SLC34A3: variants seen among roughly 807,000 people sequenced by gnomAD.
The protein encoded by SLC34A3 is solute carrier family 34 member 3, also known as sodium-dependent phosphate transport protein 2C.
SLC34A3 carries 60 observed loss-of-function variants against 43.9 expected under a neutral mutation model. The observed-to-expected ratio is 1.37, with a 90% confidence interval of 1.11 to 1.70. The LOEUF (loss-of-function observed/expected upper bound fraction) is 1.70. Ranked by LOEUF, SLC34A3 falls within the 40% of genes most tolerant of loss-of-function variation. SLC34A3 has a pLI of 0.00. For missense variants in SLC34A3, 969 were observed against 823.8 expected, an observed-to-expected ratio of 1.18 and a Z score of -2.16; for synonymous variants, 451 against 386.2, an observed-to-expected ratio of 1.17 and a Z score of -1.97.
Position 137,231,658 on chromosome 9 carries a change from C to T in SLC34A3, c.-39-6C>T, listed in dbSNP as rs1014979262. ...ATGTCTCTGACACGCGCGTCCCCCC[C>T]AGCAGATCTAGACCTGGGCCTGGGT... is the stretch of plus-strand genomic sequence containing the variant. On this transcript the variant is annotated splice_polypyrimidine_tract_variant and splice_region_variant and intron_variant, in intron 1 of 12. Transcript: ENST00000673835. 2.9e-5 allele frequency: 44 copies of T among 1,508,580 alleles called. No individual in the cohort carries two copies. Among genetic ancestry groups the T allele is most frequent in the Non-Finnish European group, 3.9e-5 (42 of 1,085,638 alleles). 93.4% of individuals were successfully genotyped at this position (1,508,580 alleles called of 1,614,324 possible).
chr9:137,231,741 C>A lies in SLC34A3; in HGVS notation c.39C>A (p.Pro13=), dbSNP rs144208635. Residue 13 remains proline, a synonymous_variant, in exon 2 of 13, where the codon CCC becomes CCA. Coordinates refer to ENST00000673835, the MANE Select transcript of SLC34A3 (RefSeq NM_001177316.2). ...SSLPGSQVPH[P]TLDAVDLVEK... is the part of the protein sequence containing the mutation. ...TTCCCGGCAGCCAGGTCCCCCACCC[C>A]ACTCTGGACGCGGTTGACCTAGTGG... The A allele has an allele frequency of 1.6e-5, 26 of 1,613,212 alleles. No individual in the cohort carries two copies. The African/African-American group carries it at 1.9e-4, about 12-fold the overall frequency.
In SLC34A3 at chr9:137,235,956, C is replaced by T. The variant is rs1836570889; in HGVS notation, c.1340C>T (p.Ala447Val). ...ADRMLSALQVALIHFFFNLAG... is the reference protein window; with the variant it reads ...ADRMLSALQVVLIHFFFNLAG... ...TGACAGCCCCCTCGCCCCCAGGTCG[C>T]CCTCATCCACTTCTTCTTCAACCTG... is the stretch of plus-strand genomic sequence containing the variant. Residue 447 changes from alanine (A) to valine (V), a missense_variant, in exon 13 of 13, where the codon GCC (alanine) becomes GTC (valine). Transcript: ENST00000673835. 1.2e-6 allele frequency: 2 copies of T among 1,611,526 alleles called. No individual in the cohort carries two copies. Among genetic ancestry groups the T allele is most frequent in the Non-Finnish European group, 1.7e-6 (2 of 1,179,818 alleles).
Position 137,236,540 on chromosome 9 carries a change from C to T in SLC34A3, c.*124C>T, listed in dbSNP as rs1320706128. 4 of 878,316 alleles carry T rather than the reference C, an allele frequency of 4.6e-6. No individual in the cohort carries two copies. The highest frequency in any genetic ancestry group is 7.3e-6 in the Non-Finnish European group (4 of 551,038). The allele number at this position is 878,316 out of a possible 1,614,324, so 54.4% of individuals were successfully genotyped here. On this transcript the variant is annotated 3_prime_UTR_variant, in exon 13 of 13. Coordinates refer to ENST00000673835, the MANE Select transcript of SLC34A3 (RefSeq NM_001177316.2). ...TGCTTCCCCTTCTGTGCAAATAAAC[C>T]AGGCTGTTATCTGGGGTGGCGGTCC...
In SLC34A3 at chr9:137,236,228, C is replaced by A. The variant is rs140319849; in HGVS notation, c.1612C>A (p.Arg538=). The change falls in exon 13 of 13, where the codon CGG becomes AGG. Residue 538 remains arginine, a synonymous_variant. Transcript: ENST00000673835. ...CCTGGTTACTGTCCTGCAGCGGCGC[C>A]GGCCGGCCTGGCTGCCTGTCCGCCT... The part of the protein sequence containing the change: ...VILVTVLQRR[R]PAWLPVRLRS... 4 of 1,561,774 alleles carry A rather than the reference C, an allele frequency of 2.6e-6. No individual in the cohort carries two copies. Among genetic ancestry groups the A allele is most frequent in the African/African-American group, 1.4e-5 (1 of 73,374 alleles).
At chr9:137,235,529 C>G (rs1588851447) in intron 12 of SLC34A3, among the ~76,000 whole-genome samples, 1 of 152,312 alleles carries the variant, frequency 6.6e-6, no homozygotes, top group Middle Eastern at 3.4e-3. Context: ...GTCCGGCAGC[C>G]CCTGGAGGGG....
chr9:137,236,019 G>A lies in SLC34A3; in HGVS notation c.1403G>A (p.Arg468Gln), dbSNP rs763789409. 1.5e-5 allele frequency: 24 copies of A among 1,612,496 alleles called. No homozygotes were observed. Among genetic ancestry groups the A allele is most frequent in the East Asian group, 1.1e-4 (5 of 44,888 alleles). ...ILLWYLVPAL[R>Q]LPIPLARHFG... ...CTGTGGTACCTGGTGCCTGCACTGC[G>A]GCTGCCCATCCCGCTGGCCAGGCAC... Residue 468 changes from arginine to glutamine, a missense_variant, in exon 13 of 13, where the codon CGG becomes CAG. Arg to Gln is a conservative substitution (Grantham distance 43). Coordinates refer to ENST00000673835, the MANE Select transcript of SLC34A3 (RefSeq NM_001177316.2).
chr9:137,235,061 C>G (rs1028968958), intron 12 of SLC34A3, among the ~76,000 whole-genome samples: 1 of 152,124 alleles, frequency 6.6e-6, no homozygotes, highest in Non-Finnish European at 1.5e-5. Context: ...TTTCCCCCAA[C>G]CCCTGCTCCC....
rs1456703245 is a variant in SLC34A3, at chr9:137,234,251, G to A, written c.1068G>A (p.Gln356=). 1 of 1,610,840 alleles carries A rather than the reference G, an allele frequency of 6.2e-7. No homozygotes were observed. Reference sequence around the variant, plus strand: ...CTGTGCTGCGCGGCCGCGTGGCCCAGGTCGTGAGGACAGTCATCAATGCGG... The same window carrying A: ...CTGTGCTGCGCGGCCGCGTGGCCCAAGTCGTGAGGACAGTCATCAATGCGG... ...LNSVLRGRVA[Q]VVRTVINADF... The change falls in exon 10 of 13, where the codon CAG becomes CAA. Residue 356 remains glutamine, a synonymous_variant. Transcript: ENST00000673835. The surrounding 1 kb of genome is among the most constrained non-coding windows in gnomAD (Gnocchi z 6.9).
chr9:137,234,747 C>T lies in SLC34A3; in HGVS notation c.1335+16C>T, dbSNP rs777641817. On this transcript the variant is annotated intron_variant, in intron 12 of 12. Coordinates refer to ENST00000673835, the MANE Select transcript of SLC34A3 (RefSeq NM_001177316.2). The surrounding 1 kb of genome is among the most constrained non-coding windows in gnomAD (Gnocchi z 6.9). ...CGCCCTGCAGGTACTGTCCACCCTG[C>T]CCCGCTGCCAGAACTGGCCAGCTTC... 1 of 1,605,524 alleles carries T rather than the reference C, an allele frequency of 6.2e-7. No homozygotes were observed. The highest frequency in any genetic ancestry group is 1.7e-5 in the Admixed American group (1 of 60,010).
intron 1 of SLC34A3, 127 bp from the exon 2 acceptor site, chr9:137,231,537 C>T (rs575731727): frequency 2.0e-5 from 14 of 688,654 alleles, no homozygotes; most frequent in African/African-American, 1.6e-4. Context: ...CTGAGGCCTG[C>T]AGGGCGTAGA....
chr9:137,232,927 C>G lies in SLC34A3; in HGVS notation c.448C>G (p.Leu150Val), dbSNP rs200186549. The change falls in exon 5 of 13, where the codon CTG becomes GTG. Residue 150 changes from leucine to valine, a missense_variant and splice_region_variant. Coordinates refer to ENST00000673835, the MANE Select transcript of SLC34A3 (RefSeq NM_001177316.2). ...CGTGGTCAGCATGGTGGCTGCTAAG[C>G]GTGGGTGCACACTCCCTCCCCGGGT... Reference protein sequence around the residue: ...SIVVSMVAAKLLTVRVSVPII... With the variant: ...SIVVSMVAAKVLTVRVSVPII... 4 of 1,448,842 alleles carry G rather than the reference C, an allele frequency of 2.8e-6. No homozygotes were observed. In the South Asian group the frequency reaches 3.4e-5, roughly 12 times the overall value. The allele number at this position is 1,448,842 out of a possible 1,614,324, so 89.7% of individuals were successfully genotyped here. A position where few individuals can be genotyped will look rare whatever the true frequency, so the allele number is the denominator to read the frequency against.
chr9:137,235,033 T>C (rs1564421731), intron 12 of SLC34A3, among the ~76,000 whole-genome samples: 1 of 152,122 alleles, frequency 6.6e-6, no homozygotes, highest in Non-Finnish European at 1.5e-5. Context: ...GCCCCTCTAT[T>C]CCAGCACCCT....
chr9:137,234,289 G>T lies in SLC34A3; in HGVS notation c.1093+13G>T, dbSNP rs780556379. On this transcript the variant is annotated intron_variant, in intron 10 of 12. Transcript: ENST00000673835. This position sits in a 1 kb window ranked among gnomAD's most constrained non-coding sequence, Gnocchi z 6.9. ...GTCATCAATGCGGGTGAGGGCGTGG[G>T]AGGAGGTGCGGTGGCCAGGGCTGAC... 6.2e-7 allele frequency: 1 copy of T among 1,609,620 alleles called. No homozygotes were observed. Among genetic ancestry groups the T allele is most frequent in the East Asian group, 2.2e-5 (1 of 44,840 alleles).
At chr9:137,233,779 T>TCACCCCCCCCCCC in intron 8 of SLC34A3, 57 bp downstream of exon 8, 2 of 1,445,826 alleles carry the variant, frequency 1.4e-6, no homozygotes, top group Non-Finnish European at 1.9e-6. Flanking sequence ...TGCTGAGTCA[T>TCACCCCCCCCCCC]CCCGCCCCAC....
At position 137,234,737 on chromosome 9, in the gene SLC34A3, G is replaced by C; in HGVS notation, c.1335+6G>C. ...GGATGCTCAGCGCCCTGCAGGTACTGTCCACCCTGCCCCGCTGCCAGAACT... is the reference window on the plus strand; with the variant it reads ...GGATGCTCAGCGCCCTGCAGGTACTCTCCACCCTGCCCCGCTGCCAGAACT... On this transcript the variant is annotated splice_donor_region_variant and intron_variant, in intron 12 of 12. Transcript: ENST00000673835. This position sits in a 1 kb window ranked among gnomAD's most constrained non-coding sequence, Gnocchi z 6.9. 6.2e-7 allele frequency: 1 copy of C among 1,607,536 alleles called. No homozygotes were observed.
Position 137,234,328 on chromosome 9 carries a change from T to C in SLC34A3, c.1093+52T>C, listed in dbSNP as rs1274536785. The C allele has an allele frequency of 3.1e-6, 5 of 1,603,340 alleles. No individual in the cohort carries two copies. Among genetic ancestry groups the C allele is most frequent in the Non-Finnish European group, 4.2e-6 (5 of 1,178,420 alleles). ...GCCAGGGCTGACCCAGCATCCCCCA[T>C]AGACTTCCCCTTCCCACCAGGCTGA... On this transcript the variant is annotated intron_variant, in intron 10 of 12. Transcript: ENST00000673835. This position sits in a 1 kb window ranked among gnomAD's most constrained non-coding sequence, Gnocchi z 6.9.
At position 137,232,854 on chromosome 9, in the gene SLC34A3, C is replaced by T. The variant is rs142873841; in HGVS notation, c.375C>T (p.Gly125=). The change falls in exon 5 of 13, where the codon GGC becomes GGT. Residue 125 remains glycine (G), a synonymous_variant. Transcript: ENST00000673835. The part of the protein sequence containing the change: ...LSNPVAGLVI[G]VLVTALVQSS... The stretch of plus-strand genomic sequence containing the variant: ...ACCCTGTGGCTGGACTGGTCATTGG[C>T]GTGCTGGTCACAGCCCTGGTGCAGA... 337 of 1,612,598 alleles carry T rather than the reference C, an allele frequency of 2.1e-4. 1 individual carries two copies. The African/African-American group carries it at 3.8e-3, about 18-fold the overall frequency.
chr9:137,233,281 C>T lies in SLC34A3; in HGVS notation c.633C>T (p.Ser211=), dbSNP rs766789639. ...LTVLVLLPLE[S]ATALLERLSE... The stretch of plus-strand genomic sequence containing the variant: ...TGCTGGTCCTGCTGCCACTGGAGAG[C>T]GCCACGGCCCTGCTGGAGAGGCTAA... Residue 211 remains serine (S), a synonymous_variant, in exon 7 of 13, where the codon AGC becomes AGT. Coordinates refer to ENST00000673835, the MANE Select transcript of SLC34A3 (RefSeq NM_001177316.2). The T allele has an allele frequency of 5.6e-5, 89 of 1,586,310 alleles. No homozygotes were observed. Among genetic ancestry groups the T allele is most frequent in the Non-Finnish European group, 6.9e-5 (80 of 1,166,614 alleles).
Position 137,233,892 on chromosome 9 carries a change from C to T in SLC34A3, c.876C>T (p.Phe292=), listed in dbSNP as rs202060862. 211 of 1,607,440 alleles carry T rather than the reference C, an allele frequency of 1.3e-4. No homozygotes were observed. The East Asian group carries it at 2.8e-3, about 21-fold the overall frequency. Residue 292 remains phenylalanine (F), a synonymous_variant, in exon 9 of 13, where the codon TTC becomes TTT. Transcript: ENST00000673835. ...AGGAGAACAGCAGCTGTGGCGCCTTCGGCCCGTGCACAGAGAAGAACAGCA... is the reference window on the plus strand; with the variant it reads ...AGGAGAACAGCAGCTGTGGCGCCTTTGGCCCGTGCACAGAGAAGAACAGCA... ...PTQENSSCGA[F]GPCTEKNSTA...
Sources: gnomAD v4.1 joint callset for allele counts (sites outside exome capture counted in the v4.1 genomes callset) on GRCh38, gnomAD v4.1.1 for gene constraint, Gnocchi (gnomAD v3.1) non-coding constraint, MANE v1.5 for transcripts, NCBI Gene and HGNC (gene_info 2026-07-23, HGNC 2026-07-21) for gene names.